ARID1B: variants seen among roughly 807,000 people sequenced by gnomAD.
The protein encoded by ARID1B is AT-rich interactive domain-containing protein 1B.
In ARID1B, 30 loss-of-function variants were observed where a neutral mutation model predicts 212.3. The observed-to-expected ratio is 0.14, with a 90% CI of 0.11 to 0.19. ARID1B has a LOEUF of 0.19. ARID1B is among the 10% of genes least tolerant of loss of function. ARID1B has a pLI of 1.00. For synonymous variants in ARID1B, 1,402 were observed against 1,301.7 expected, an observed-to-expected ratio of 1.08 and a Z score of -1.66; for missense variants, 2,891 against 3,204.0, an observed-to-expected ratio of 0.90 and a Z score of 2.36.
At chr6:157,060,626 T>G (rs1783276423) in intron 4 of ARID1B, among the ~76,000 whole-genome samples, 1 of 128,740 alleles carries the variant, frequency 7.8e-6, no homozygotes, top group African/African-American at 3.0e-5. Flanking sequence ...AAGCAAAATC[T>G]GAACTTTTTT....
At chr6:156,843,616 A>G (rs936858636) in intron 2 of ARID1B, among the ~76,000 whole-genome samples, 3 of 152,220 alleles carry the variant, frequency 2.0e-5, no homozygotes, top group African/African-American at 7.2e-5. Context: ...GTTAGGCTGT[A>G]TATGTGAATC....
At chr6:157,086,735 A>C (rs12199581) in intron 5 of ARID1B, among the ~76,000 whole-genome samples, 96 of 152,338 alleles carry the variant, frequency 6.3e-4, no homozygotes, top group Middle Eastern at 3.4e-3. Context: ...CACTTCGGGC[A>C]TGTGATCCTG....
At position 156,779,031 on chromosome 6, in the gene ARID1B, C is replaced by T. The variant is rs1562378059; in HGVS notation, c.1351C>T (p.Leu451=). Residue 451 remains leucine (L), a synonymous_variant, in exon 1 of 20, where the codon CTG becomes TTG. Coordinates refer to ENST00000636930, the MANE Select transcript of ARID1B (RefSeq NM_001374828.1). The part of the protein sequence containing the change: ...YGGSSAGYGV[L]SSPRQQGGGM... ...GGGCTCGTCCGCGGGGTACGGGGTG[C>T]TGAGCTCCCCCCGGCAGCAGGGCGG... 1 of 1,236,012 alleles carries T rather than the reference C, an allele frequency of 8.1e-7. No homozygotes were observed. The highest frequency in any genetic ancestry group is 1.6e-5 in the African/African-American group (1 of 62,060). 76.6% of individuals were successfully genotyped at this position (1,236,012 alleles called of 1,614,324 possible). A position where few individuals can be genotyped will look rare whatever the true frequency, so the allele number is the denominator to read the frequency against.
intron 8 of ARID1B, chr6:157,152,308 T>A (rs990557444): frequency 6.6e-6 from 1 of 152,198 alleles, no homozygotes; most frequent in Admixed American, 6.5e-5. Context: ...AGAAAATCGA[T>A]GTTAGCTAAC....
Position 157,200,926 on chromosome 6 carries a change from G to A in ARID1B, c.4701G>A (p.Pro1567=), listed in dbSNP as rs373191607. Residue 1567 remains proline (P), a synonymous_variant, in exon 18 of 20, where the codon CCG becomes CCA. Transcript: ENST00000636930. This position sits in a 1 kb window ranked among gnomAD's most constrained non-coding sequence, Gnocchi z 4.3. ...GPGQIQTHGI[P]PQMMGGPLQS... ...GGCAGATCCAGACACACGGAATCCC[G>A]CCTCAGATGATGGGCGGCCCGCTGC... The A allele has an allele frequency of 3.1e-5, 50 of 1,613,802 alleles. No individual in the cohort carries two copies. Among genetic ancestry groups the A allele is most frequent in the East Asian group, 1.3e-4 (6 of 44,878 alleles).
chr6:157,119,615 C>T (rs1787565758), intron 6 of ARID1B: 1 of 152,512 alleles, frequency 6.6e-6, no homozygotes, highest in Non-Finnish European at 1.5e-5. Context: ...CAGCCTGGCT[C>T]TTAGTAGGTG....
At chr6:156,855,937 C>T (rs1461975106) in intron 2 of ARID1B, among the ~76,000 whole-genome samples, 1 of 152,118 alleles carries the variant, frequency 6.6e-6, no homozygotes, top group Non-Finnish European at 1.5e-5. Flanking sequence ...GTGGTTTGTT[C>T]TCTGTTATCA....
intron 2 of ARID1B, among the ~76,000 whole-genome samples, chr6:156,879,244 A>G (rs1483674767): frequency 6.6e-6 from 1 of 152,228 alleles, no homozygotes; most frequent in East Asian, 1.9e-4. Flanking sequence ...TGTTCTGTCT[A>G]CTTGTGTTGT....
intron 6 of ARID1B, among the ~76,000 whole-genome samples, chr6:157,127,804 AAAC>A (rs1788244003): frequency 5.0e-5 from 7 of 139,788 alleles, no homozygotes; most frequent in African/African-American, 2.1e-4. Flanking sequence ...AAAAAAAAAA[AAAC>A]AAAAATTAGC....
chr6:156,905,689 G>T (rs781577847), intron 3 of ARID1B, among the ~76,000 whole-genome samples: 2 of 152,124 alleles, frequency 1.3e-5, no homozygotes, highest in Non-Finnish European at 2.9e-5. Flanking sequence ...GAATGCATTA[G>T]TATTGTACTG....
chr6:157,050,823 G>A (rs1055717291), intron 4 of ARID1B, among the ~76,000 whole-genome samples: 11 of 152,098 alleles, frequency 7.2e-5, no homozygotes, highest in African/African-American at 2.7e-4. Flanking sequence ...TGCAAACATC[G>A]CAGGCACAAT....
intron 6 of ARID1B, among the ~76,000 whole-genome samples, chr6:157,123,301 C>T (rs1562637264): frequency 7.6e-6 from 1 of 130,868 alleles, no homozygotes. Context: ...AGGATGTATA[C>T]TGCTTCTTAG....
intron 5 of ARID1B, among the ~76,000 whole-genome samples, chr6:157,097,070 G>A (rs1583300281): frequency 6.6e-6 from 1 of 152,118 alleles, no homozygotes; most frequent in Admixed American, 6.6e-5. Flanking sequence ...GGTTTTAGCT[G>A]TCTCGTTCTT....
rs1385677376 is a variant in ARID1B, at chr6:157,201,454, G to C, written c.5229G>C (p.Leu1743Phe). The change falls in exon 18 of 20, where the codon TTG becomes TTC. Residue 1743 changes from leucine to phenylalanine, a missense_variant. By Grantham distance (22) the Leu-to-Phe change is conservative (BLOSUM62 0). This residue lies in a region of ARID1B where 666 missense variants were observed against 873.5 expected (regional missense o/e 0.76). Transcript: ENST00000636930. This position sits in a 1 kb window ranked among gnomAD's most constrained non-coding sequence, Gnocchi z 5.2. ...PGSVEASQPVLKQRRKITSKD... is the reference protein window; with the variant it reads ...PGSVEASQPVFKQRRKITSKD... ...CAGTAGAAGCATCACAACCAGTCTTGAAACAAAGGCGAAAGATTACCTCCA... is the reference window on the plus strand; with the variant it reads ...CAGTAGAAGCATCACAACCAGTCTTCAAACAAAGGCGAAAGATTACCTCCA... 1 of 1,513,640 alleles carries C rather than the reference G, an allele frequency of 6.6e-7. No homozygotes were observed. The highest frequency in any genetic ancestry group is 2.3e-5 in the East Asian group (1 of 43,662). 93.8% of individuals were successfully genotyped at this position (1,513,640 alleles called of 1,614,324 possible).
intron 7 of ARID1B, among the ~76,000 whole-genome samples, chr6:157,136,937 A>G (rs1481919561): frequency 1.3e-5 from 2 of 150,004 alleles, no homozygotes; most frequent in East Asian, 2.0e-4. Context: ...CAGCACTTTG[A>G]GAGGCTGAGG....
At chr6:156,786,194 A>T (rs1779616591) in intron 1 of ARID1B, among the ~76,000 whole-genome samples, 1 of 151,642 alleles carries the variant, frequency 6.6e-6, no homozygotes, top group African/African-American at 2.4e-5. Context: ...TTATAGTGAT[A>T]TTTTTTTCTA....
At chr6:157,105,125 A>G (rs1786357841) in intron 5 of ARID1B, among the ~76,000 whole-genome samples, 1 of 152,180 alleles carries the variant, frequency 6.6e-6, no homozygotes, top group Non-Finnish European at 1.5e-5. Context: ...GTGTTGGAAT[A>G]CTTGGGGAGC....
At chr6:157,123,963 C>A (rs2128557948) in intron 6 of ARID1B, among the ~76,000 whole-genome samples, 1 of 152,366 alleles carries the variant, frequency 6.6e-6, no homozygotes, top group African/African-American at 2.4e-5. Flanking sequence ...AGCCCTCACT[C>A]CTCACAGCTT....
intron 1 of ARID1B, among the ~76,000 whole-genome samples, chr6:156,811,475 C>T (rs1177263582): frequency 3.3e-5 from 5 of 152,142 alleles, no homozygotes; most frequent in African/African-American, 1.2e-4. Flanking sequence ...AGAATTTCTC[C>T]CTCTCAGTTC....
Sources: allele counts gnomAD v4.1 joint callset (sites outside exome capture counted in the v4.1 genomes callset), GRCh38; gene constraint gnomAD v4.1.1; regional missense constraint gnomAD v4.1.1; non-coding constraint Gnocchi (gnomAD v3.1); transcripts MANE v1.5; gene names NCBI Gene and HGNC (gene_info 2026-07-23, HGNC 2026-07-21).